NAF1: variants seen among roughly 807,000 people sequenced by gnomAD.
The protein encoded by NAF1 is nuclear assembly factor 1 ribonucleoprotein.
Under a neutral mutation model 40.6 loss-of-function variants are expected in NAF1, and 11 were observed. The ratio of observed to expected loss-of-function variants is 0.27; its 90% CI spans 0.17 to 0.45. The LOEUF is 0.45. NAF1 is among the 20% of genes least tolerant of loss of function. The pLI, the probability that NAF1 is intolerant of heterozygous loss-of-function variation, is 1.00. For synonymous variants in NAF1, 260 were observed against 228.5 expected (o/e 1.14, Z -1.24); for missense variants, 607 against 611.1 (o/e 0.99, Z 0.07).
At chr4:163,129,695 C>A (rs1379221810) in intron 7 of NAF1, among the ~76,000 whole-genome samples, 3 of 152,312 alleles carry the variant, frequency 2.0e-5, no homozygotes, top group East Asian at 3.9e-4. Context: ...CCTTCCACCA[C>A]AGTAGCATCA....
rs998841317 is a variant in NAF1, at chr4:163,166,492, G to C, written c.236C>G (p.Pro79Arg). The C allele has an allele frequency of 6.3e-7, 1 of 1,598,638 alleles. No homozygotes were observed. The highest frequency in any genetic ancestry group is 8.5e-7 in the Non-Finnish European group (1 of 1,172,566). Residue 79 changes from proline (P) to arginine (R), a missense_variant, in exon 1 of 8, where the codon CCG (proline) becomes CGG (arginine). Physicochemically the swap from Pro to Arg is moderately radical, Grantham distance 103. Around this residue, in one of 3 missense-constraint regions of NAF1, gnomAD observed 407 missense variants for 365.5 expected, o/e 1.11. Transcript: ENST00000274054. ...PVLNAVAAGT[P>R]APQPQPPAES... Reference sequence around the variant, plus strand: ...AGCCGGTGGCTGTGGCTGCGGCGCCGGGGTCCCGGCCGCGACGGCGTTCAG... The same window carrying C: ...AGCCGGTGGCTGTGGCTGCGGCGCCCGGGTCCCGGCCGCGACGGCGTTCAG...
the NAF1 span, among the ~76,000 whole-genome samples, chr4:163,105,070 T>C: frequency 1.1e-3 from 172 of 152,344 alleles, no homozygotes; most frequent in Middle Eastern, 0.01. Flanking sequence ...CCCTCTACTA[T>C]TTAATCATTA....
intron 2 of NAF1, chr4:163,119,765 T>TA (rs1213995766): frequency 2.0e-5 from 3 of 152,114 alleles, no homozygotes; most frequent in South Asian, 4.1e-4. Flanking sequence ...CTAATAAAAA[T>TA]AAATATGGAA....
At chr4:163,146,364 C>A (rs1341790615) in intron 3 of NAF1, among the ~76,000 whole-genome samples, 1 of 152,152 alleles carries the variant, frequency 6.6e-6, no homozygotes, top group Non-Finnish European at 1.5e-5. Context: ...CTAGAGCTCA[C>A]AGTAATTTTT....
chr4:163,113,106 C>T (rs1046878744), intron 2 of NAF1, among the ~76,000 whole-genome samples: 1 of 152,166 alleles, frequency 6.6e-6, no homozygotes, highest in South Asian at 2.1e-4. Context: ...ATTTAAGAAT[C>T]TTGTCTTTTG....
intron 6 of NAF1, 93 bp from the exon 7 acceptor site, chr4:163,133,349 C>T: frequency 1.2e-6 from 1 of 834,480 alleles, no homozygotes; most frequent in South Asian, 1.8e-5. Context: ...GCCTATTATG[C>T]ATCAATGACT....
At chr4:163,130,161 G>A (rs1448254998) in intron 7 of NAF1, among the ~76,000 whole-genome samples, 1 of 152,028 alleles carries the variant, frequency 6.6e-6, no homozygotes, top group Non-Finnish European at 1.5e-5. Flanking sequence ...AAGATCCATG[G>A]TCTTGTAATA....
intron 5 of NAF1, among the ~76,000 whole-genome samples, chr4:163,139,113 G>A (rs1731160763): frequency 6.6e-6 from 1 of 151,994 alleles, no homozygotes; most frequent in Admixed American, 6.6e-5. Context: ...AATGAAATTT[G>A]GTGACTTGAG....
chr4:163,166,674 G>C lies in NAF1; in HGVS notation c.54C>G (p.Gly18=). 1 of 1,613,794 alleles carries C rather than the reference G, an allele frequency of 6.2e-7. No homozygotes were observed. Among genetic ancestry groups the C allele is most frequent in the East Asian group, 2.2e-5 (1 of 44,866 alleles). ...AAQLETLKFN[G]TDFGVGEGPA... is the part of the protein sequence containing the mutation. ...GACCTTCCCCAACTCCAAAGTCGGT[G>C]CCATTGAATTTCAGAGTTTCCAGCT... is the stretch of plus-strand genomic sequence containing the variant. Residue 18 remains glycine, a synonymous_variant, in exon 1 of 8, where the codon GGC becomes GGG. Coordinates refer to ENST00000274054, the MANE Select transcript of NAF1 (RefSeq NM_138386.3).
In NAF1 at chr4:163,137,491, T is replaced by C. The variant is rs78837697; in HGVS notation, c.879-241A>G. ...CTGGAATGAGAAGCCAAGGCTATGGTGTGCAGTGGAAAGCAGATGGACAGC... is the reference window on the plus strand; with the variant it reads ...CTGGAATGAGAAGCCAAGGCTATGGCGTGCAGTGGAAAGCAGATGGACAGC... On this transcript the variant is annotated intron_variant, in intron 5 of 7. Coordinates refer to ENST00000274054, the MANE Select transcript of NAF1 (RefSeq NM_138386.3). Among the ~76,000 whole-genome samples the C allele has an allele frequency of 8.2e-3, 1,242 of 152,220 alleles. 18 individuals carry two copies. The highest frequency in any genetic ancestry group is 0.027 in the African/African-American group (1,138 of 41,534).
In NAF1 at chr4:163,164,384, C is replaced by A; in HGVS notation, c.373G>T (p.Asp125Tyr). ...DSDSDSDSET[D>Y]SDSSSSSSSS... ...GACGATGAACTTGAACTATCTGAATCTGTTTCACTGTAGGGAAGAAAACAG... is the reference window on the plus strand; with the variant it reads ...GACGATGAACTTGAACTATCTGAATATGTTTCACTGTAGGGAAGAAAACAG... The change falls in exon 2 of 8, where the codon GAT (aspartate) becomes TAT (tyrosine). Residue 125 changes from aspartate (D) to tyrosine (Y), a missense_variant. By Grantham distance (160) the Asp-to-Tyr change is radical. This residue lies in a region of NAF1 where 407 missense variants were observed against 365.5 expected (regional missense o/e 1.11). Transcript: ENST00000274054. 1 of 1,561,650 alleles carries A rather than the reference C, an allele frequency of 6.4e-7. No homozygotes were observed.
At chr4:163,118,790 A>G (rs1730429932) in intron 2 of NAF1, among the ~76,000 whole-genome samples, 1 of 152,130 alleles carries the variant, frequency 6.6e-6, no homozygotes, top group Admixed American at 6.5e-5. Flanking sequence ...CTTATTTTAT[A>G]TGAGCATTTG....
At chr4:163,117,688 C>CAT (rs1468811838) in intron 2 of NAF1, among the ~76,000 whole-genome samples, 3 of 147,086 alleles carry the variant, frequency 2.0e-5, no homozygotes, top group African/African-American at 7.4e-5. Flanking sequence ...AATACACACA[C>CAT]ACACACACAC....
chr4:163,133,520 T>G (rs1434397904), intron 6 of NAF1: 1 of 344,590 alleles, frequency 2.9e-6, no homozygotes, highest in African/African-American at 2.1e-5. Context: ...GACTTAAAAT[T>G]CATCATAGTA....
intron 2 of NAF1, among the ~76,000 whole-genome samples, chr4:163,111,714 A>G (rs1463814059): frequency 6.6e-6 from 1 of 152,170 alleles, no homozygotes; most frequent in East Asian, 1.9e-4. Flanking sequence ...TCAATTAGAA[A>G]AGGGGACTGA....
At chr4:163,115,912 T>G (rs748338780) in intron 2 of NAF1, among the ~76,000 whole-genome samples, 15 of 152,226 alleles carry the variant, frequency 9.9e-5, no homozygotes, top group Non-Finnish European at 8.8e-5. Context: ...TCTATTTCTA[T>G]GCACAATTTT....
intron 2 of NAF1, among the ~76,000 whole-genome samples, chr4:163,111,119 G>A (rs1372262256): frequency 6.6e-6 from 1 of 151,906 alleles, no homozygotes; most frequent in African/African-American, 2.4e-5. Flanking sequence ...ACTACCTTTT[G>A]TTTTTTTCAG....
chr4:163,145,104 T>C (rs1448375666), intron 4 of NAF1, among the ~76,000 whole-genome samples: 2 of 152,224 alleles, frequency 1.3e-5, no homozygotes, highest in Non-Finnish European at 2.9e-5. Context: ...AGTATTTACA[T>C]TCTTGATTTT....
At chr4:163,120,707 G>A (rs781644983) in intron 2 of NAF1, among the ~76,000 whole-genome samples, 1 of 151,966 alleles carries the variant, frequency 6.6e-6, no homozygotes, top group Non-Finnish European at 1.5e-5. Context: ...GAAAATATTT[G>A]ATGTTTTTCT....
Sources: gnomAD v4.1 joint callset for allele counts (sites outside exome capture counted in the v4.1 genomes callset) on GRCh38, gnomAD v4.1.1 for gene constraint, gnomAD v4.1.1 regional missense constraint, MANE v1.5 for transcripts, NCBI Gene and HGNC (gene_info 2026-07-23, HGNC 2026-07-21) for gene names.